The following LAMC3 variants were observed in gnomAD, a reference collection of about 807,000 sequenced individuals.
The protein encoded by LAMC3 is laminin subunit gamma-3.
LAMC3 carries 128 observed loss-of-function variants against 173.8 expected under a neutral mutation model. The ratio of observed to expected loss-of-function variants is 0.74; its 90% CI spans 0.64 to 0.85. The LOEUF (loss-of-function observed/expected upper bound fraction) is 0.85. Among genes scored for constraint, LAMC3 ranks in the 40% least tolerant of loss-of-function variants. The pLI is 0.00. For synonymous variants in LAMC3, 897 were observed against 909.1 expected (o/e 0.99, Z 0.24); for missense variants, 2,022 against 2,156.0 (o/e 0.94, Z 1.23).
chr9:131,046,118 C>T (rs550371693), intron 8 of LAMC3, among the ~76,000 whole-genome samples: 2 of 151,872 alleles, frequency 1.3e-5, no homozygotes, highest in South Asian at 4.2e-4. Flanking sequence ...AAAGGTAGGC[C>T]ACTTGCCTGA....
intron 4 of LAMC3, among the ~76,000 whole-genome samples, chr9:131,038,446 C>T (rs761549132): frequency 9.2e-5 from 14 of 152,320 alleles, no homozygotes; most frequent in Middle Eastern, 3.4e-3. Flanking sequence ...GTGACTTGTG[C>T]TTTCTGTACC....
At chr9:131,048,999 G>A (rs1834230426) in intron 8 of LAMC3, 21 bp from the exon 9 acceptor site, 1 of 1,473,160 alleles carries the variant, frequency 6.8e-7, no homozygotes, top group Non-Finnish European at 9.3e-7. Flanking sequence ...TGATCGGGGG[G>A]TGTCTGTGTT....
chr9:131,089,544 ATT>A (rs59946569), intron 27 of LAMC3, among the ~76,000 whole-genome samples: 5 of 139,158 alleles, frequency 3.6e-5, no homozygotes, highest in Admixed American at 7.4e-5. Flanking sequence ...CACCCAGCTA[ATT>A]TTTTTTTTTT....
chr9:131,009,437 C>T lies in LAMC3; in HGVS notation c.223C>T (p.Gln75Ter), dbSNP rs2133193530. 1 of 1,544,950 alleles carries T rather than the reference C, an allele frequency of 6.5e-7. No homozygotes were observed. The highest frequency in any genetic ancestry group is 8.7e-7 in the Non-Finnish European group (1 of 1,145,972). ...CGCCGCGGGCGCGGGGGCTCATTGC[C>T]AGCGCTGCGACGCCGCCGACCCCCA... ...VGAAGAGAHC[Q>*]RCDAADPQRH... is the part of the protein sequence containing the mutation. The change falls in exon 1 of 28, where the codon CAG becomes TAG. Residue 75 changes from glutamine to a stop codon, truncating the protein, a stop_gained. Coordinates refer to ENST00000361069, the MANE Select transcript of LAMC3 (RefSeq NM_006059.4). LOFTEE classifies it high-confidence loss of function. The surrounding 1 kb of genome is among the most constrained non-coding windows in gnomAD (Gnocchi z 4.3).
Position 131,067,024 on chromosome 9 carries a change from C to T in LAMC3, c.2412C>T (p.Pro804=), listed in dbSNP as rs1339758908. The stretch of plus-strand genomic sequence containing the variant: ...ACCCGCTGGGGCTCTTTGGGCACCC[C>T]CAGCCCTGCCACCAGTGCCAGTGTA... The part of the protein sequence containing the change: ...FGDPLGLFGH[P]QPCHQCQCSG... The change falls in exon 14 of 28, where the codon CCC becomes CCT. Residue 804 remains proline (P), a synonymous_variant. Transcript: ENST00000361069. The T allele has an allele frequency of 6.2e-7, 1 of 1,614,072 alleles. No individual in the cohort carries two copies. The highest frequency in any genetic ancestry group is 1.1e-5 in the South Asian group (1 of 91,088).
At chr9:131,075,597 G>A (rs1355252284) in intron 20 of LAMC3, among the ~76,000 whole-genome samples, 1 of 150,748 alleles carries the variant, frequency 6.6e-6, no homozygotes, top group Non-Finnish European at 1.5e-5. Context: ...TAATCCTTAT[G>A]TCAGGACAAC....
intron 18 of LAMC3, 89 bp downstream of exon 18, chr9:131,071,714 C>A: frequency 7.3e-7 from 1 of 1,375,096 alleles, no homozygotes; most frequent in East Asian, 2.4e-5. Context: ...TTTGGGGGCC[C>A]TCCCAAAACA....
Position 131,059,801 on chromosome 9 carries a change from G to A in LAMC3, c.2159-1234G>A, listed in dbSNP as rs536167545. Among the ~76,000 whole-genome samples, 55 of 152,334 alleles carry A rather than the reference G, an allele frequency of 3.6e-4. No individual in the cohort carries two copies. The South Asian group carries it at 0.011, about 29-fold the overall frequency. On this transcript the variant is annotated intron_variant, in intron 12 of 27. Transcript: ENST00000361069. ...TCTGTGAAACGGGCAGTATAGCCCC[G>A]CTGCCTAGGCTGAGAGGAGGAATGA...
intron 1 of LAMC3, among the ~76,000 whole-genome samples, chr9:131,013,943 A>G (rs1363895495): frequency 6.6e-6 from 1 of 152,202 alleles, no homozygotes; most frequent in Non-Finnish European, 1.5e-5. Context: ...GGCCTGGGCC[A>G]GTGCTGGGGG....
rs1833990326 is a variant in LAMC3 at position 131,038,861 on chromosome 9, TA to T, written c.977-2del. The T allele has an allele frequency of 6.2e-7, 1 of 1,612,708 alleles. No individual in the cohort carries two copies. Among genetic ancestry groups the T allele is most frequent in the Non-Finnish European group, 8.5e-7 (1 of 1,179,980 alleles). On this transcript the variant is annotated splice_acceptor_variant, in intron 4 of 27. Transcript: ENST00000361069. LOFTEE classifies it high-confidence loss of function. ...ACACACCTTTCCCCACTCCTGCCCA[TA>T]GCCTGCAACTGCAGTGGCCGCTCCG...
At chr9:131,040,237 G>A (rs558766242) in intron 6 of LAMC3, among the ~76,000 whole-genome samples, 1 of 151,710 alleles carries the variant, frequency 6.6e-6, no homozygotes, top group Non-Finnish European at 1.5e-5. Flanking sequence ...AAGTGCAGTG[G>A]CGCGATCTCT....
rs1833723925 is a variant in LAMC3, at chr9:131,026,682, G to C, written c.678+93G>C. 6.9e-7 allele frequency: 1 copy of C among 1,439,830 alleles called. No homozygotes were observed. Among genetic ancestry groups the C allele is most frequent in the Non-Finnish European group, 9.1e-7 (1 of 1,101,000 alleles). The allele number at this position is 1,439,830 out of a possible 1,614,324, so 89.2% of individuals were successfully genotyped here. A position where few individuals can be genotyped will look rare whatever the true frequency, so the allele number is the denominator to read the frequency against. On this transcript the variant is annotated intron_variant, in intron 2 of 27. Transcript: ENST00000361069. This position sits in a 1 kb window ranked among gnomAD's most constrained non-coding sequence, Gnocchi z 4.8. ...TGATGTGCCAGGACACACAGGGTGG[G>C]GGACCTGCAAAACCCCATGGTTTTC...
chr9:131,087,200 C>G (rs1830346308), intron 25 of LAMC3, among the ~76,000 whole-genome samples: 1 of 152,222 alleles, frequency 6.6e-6, no homozygotes, highest in South Asian at 2.1e-4. Context: ...TTGTCATGCC[C>G]CTCGGGCTTT....
chr9:131,040,618 C>T (rs1208075109), intron 6 of LAMC3, among the ~76,000 whole-genome samples: 2 of 152,160 alleles, frequency 1.3e-5, no homozygotes, highest in African/African-American at 4.8e-5. Context: ...TAAAACTGAC[C>T]ATGAGATGGG....
intron 16 of LAMC3, among the ~76,000 whole-genome samples, chr9:131,069,302 C>T (rs970624058): frequency 1.7e-4 from 26 of 152,150 alleles, no homozygotes; most frequent in Non-Finnish European, 3.7e-4. Flanking sequence ...CCCTCTGCAG[C>T]CTGCCAGTGT....
At chr9:131,064,535 C>T (rs1326354107) in intron 13 of LAMC3, among the ~76,000 whole-genome samples, 4 of 151,916 alleles carry the variant, frequency 2.6e-5, no homozygotes, top group South Asian at 2.1e-4. Flanking sequence ...AGGTGGCGGG[C>T]GCCTGTAGTC....
rs879441128 is a variant in LAMC3 at position 131,092,034 on chromosome 9, G to A, written c.*247G>A. 7.1e-5 allele frequency: 41 copies of A among 573,682 alleles called. No homozygotes were observed. Among genetic ancestry groups the A allele is most frequent in the Middle Eastern group, 9.3e-4 (2 of 2,144 alleles). 35.5% of individuals were successfully genotyped at this position (573,682 alleles called of 1,614,324 possible). A position where few individuals can be genotyped will look rare whatever the true frequency, so the allele number is the denominator to read the frequency against. On this transcript the variant is annotated 3_prime_UTR_variant, in exon 28 of 28. Transcript: ENST00000361069. ...CTCTCACCCCTGCACATGCATAAAC[G>A]GGCACACCCCAGTGTCAATAACATA... is the stretch of plus-strand genomic sequence containing the variant.
chr9:131,046,828 A>G (rs1006357458), intron 8 of LAMC3, among the ~76,000 whole-genome samples: 1 of 152,042 alleles, frequency 6.6e-6, no homozygotes, highest in Non-Finnish European at 1.5e-5. Flanking sequence ...GCCTGTCCCC[A>G]GGAAGGAGCG....
chr9:131,037,822 A>G (rs1339273518), intron 4 of LAMC3, among the ~76,000 whole-genome samples: 1 of 152,186 alleles, frequency 6.6e-6, no homozygotes, highest in Non-Finnish European at 1.5e-5. Context: ...ATTTAGTAAC[A>G]TCTATTCCCT....
Sources: allele counts gnomAD v4.1 joint callset (sites outside exome capture counted in the v4.1 genomes callset), GRCh38; gene constraint gnomAD v4.1.1; non-coding constraint Gnocchi (gnomAD v3.1); transcripts MANE v1.5; gene names NCBI Gene and HGNC (gene_info 2026-07-23, HGNC 2026-07-21).